SLC14A2: variants seen among roughly 807,000 people sequenced by gnomAD.
SLC14A2 encodes urea transporter 2.
In SLC14A2, 91 loss-of-function variants were observed where a neutral mutation model predicts 104.6. That is an observed-to-expected ratio of 0.87 (90% CI 0.73 to 1.04). The LOEUF (loss-of-function observed/expected upper bound fraction) is 1.04. Among genes scored for constraint, SLC14A2 ranks in the 50% least tolerant of loss-of-function variants. The pLI is 0.00. For missense variants in SLC14A2, 1,189 were observed against 1,156.0 expected, an observed-to-expected ratio of 1.03 and a Z score of -0.41; for synonymous variants, 476 against 466.4, an observed-to-expected ratio of 1.02 and a Z score of -0.27.
intron 1 of SLC14A2, among the ~76,000 whole-genome samples, chr18:45,361,695 T>C (rs1285057301): frequency 1.3e-5 from 2 of 152,200 alleles, no homozygotes; most frequent in East Asian, 3.9e-4. Flanking sequence ...AGCACAGTCC[T>C]GGCAGCCCTC....
intron 1 of SLC14A2, among the ~76,000 whole-genome samples, chr18:45,418,024 C>T (rs1288411078): frequency 6.6e-6 from 1 of 152,120 alleles, no homozygotes; most frequent in Non-Finnish European, 1.5e-5. Context: ...TGCAGCTATT[C>T]AGGGAAATAG....
intron 1 of SLC14A2, among the ~76,000 whole-genome samples, chr18:45,408,922 G>A (rs553117829): frequency 1.3e-5 from 2 of 152,268 alleles, no homozygotes; most frequent in East Asian, 1.9e-4. Context: ...TTAAAAATGA[G>A]AGGTGTACAT....
At chr18:45,671,490 C>G (rs66528052) in intron 16 of SLC14A2, among the ~76,000 whole-genome samples, 22,748 of 152,122 alleles carry the variant, frequency 0.15, 1,838 homozygotes, top group East Asian at 0.29. Context: ...GTCCCCACGG[C>G]TTCCTCTGCT....
intron 1 of SLC14A2, chr18:45,438,378 C>T (rs1298853254): frequency 1.3e-5 from 2 of 152,134 alleles, no homozygotes; most frequent in African/African-American, 4.8e-5. Context: ...TTTTATTCCA[C>T]AGCTAGCAGA....
rs148964498 is a variant in SLC14A2 at position 45,668,426 on chromosome 18, G to A, written c.1985G>A (p.Gly662Asp). 3.3e-4 allele frequency: 537 copies of A among 1,614,170 alleles called. 2 individuals carry two copies. The highest frequency in any genetic ancestry group is 3.3e-3 in the Middle Eastern group (20 of 6,062). Residue 662 changes from glycine to aspartate, a missense_variant, in exon 15 of 20, where the codon GGT becomes GAT. Gly to Asp is a moderately conservative substitution (Grantham distance 94). Coordinates refer to ENST00000255226, the MANE Select transcript of SLC14A2 (RefSeq NM_007163.4). ...CTGATGGCCGTGTTCTCAGACAAAGGTGACTACTACTGGTGGCTGTTGCTA... is the reference window on the plus strand; with the variant it reads ...CTGATGGCCGTGTTCTCAGACAAAGATGACTACTACTGGTGGCTGTTGCTA... ...GLLMAVFSDK[G>D]DYYWWLLLPV...
intron 18 of SLC14A2, among the ~76,000 whole-genome samples, chr18:45,674,497 T>G (rs1300487901): frequency 1.3e-5 from 2 of 152,214 alleles, no homozygotes; most frequent in Non-Finnish European, 2.9e-5. Flanking sequence ...TTTATGACAG[T>G]GACTACGAAC....
At chr18:45,400,476 C>T (rs941426501) in intron 1 of SLC14A2, among the ~76,000 whole-genome samples, 1 of 152,130 alleles carries the variant, frequency 6.6e-6, no homozygotes, top group Non-Finnish European at 1.5e-5. Context: ...TAGTTTGTCC[C>T]ATTCATGTTG....
chr18:45,585,108 G>T (rs2044547931), intron 2 of SLC14A2, among the ~76,000 whole-genome samples: 1 of 151,376 alleles, frequency 6.6e-6, no homozygotes, highest in Non-Finnish European at 1.5e-5. Flanking sequence ...CTCAGCATCA[G>T]ATTCCCACAC....
At chr18:45,591,688 C>T (rs72906318) in intron 2 of SLC14A2, among the ~76,000 whole-genome samples, 12,443 of 152,216 alleles carry the variant, frequency 0.082, 687 homozygotes, top group Non-Finnish European at 0.12. Context: ...TCATAAAGTA[C>T]ACTTTTGAGT....
chr18:45,680,413 A>G (rs2046294973), intron 19 of SLC14A2, among the ~76,000 whole-genome samples: 1 of 152,218 alleles, frequency 6.6e-6, no homozygotes, highest in African/African-American at 2.4e-5. Context: ...TGTGTTTAAG[A>G]CATTGTGTTG....
chr18:45,531,869 C>CT (rs1001104369), intron 2 of SLC14A2, among the ~76,000 whole-genome samples: 2 of 151,948 alleles, frequency 1.3e-5, no homozygotes, highest in African/African-American at 2.4e-5. Context: ...TCTTGAATTA[C>CT]TTTTTGTATA....
chr18:45,303,147 C>T (rs2144195708), intron 1 of SLC14A2, among the ~76,000 whole-genome samples: 1 of 152,270 alleles, frequency 6.6e-6, no homozygotes, highest in Non-Finnish European at 1.5e-5. Context: ...ACAGAGACTC[C>T]AGCACAGCCA....
At chr18:45,411,175 A>C (rs1038938600) in intron 1 of SLC14A2, among the ~76,000 whole-genome samples, 2 of 152,182 alleles carry the variant, frequency 1.3e-5, no homozygotes, top group African/African-American at 2.4e-5. Context: ...AATGATTGCA[A>C]ACATTGAGAA....
chr18:45,412,910 T>G (rs940214759), intron 1 of SLC14A2, among the ~76,000 whole-genome samples: 19 of 152,162 alleles, frequency 1.2e-4, no homozygotes, highest in African/African-American at 4.6e-4. Context: ...CATGCAAGAA[T>G]TTGGGACAAG....
At chr18:45,175,828 A>G in the SLC14A2 span, among the ~76,000 whole-genome samples, 283 of 152,318 alleles carry the variant, frequency 1.9e-3, 1 homozygote, top group Non-Finnish European at 2.4e-3. Flanking sequence ...GGAGTAAAAC[A>G]TAAGGGTCTT....
chr18:45,315,434 C>T (rs1007121961), intron 1 of SLC14A2, among the ~76,000 whole-genome samples: 4 of 152,136 alleles, frequency 2.6e-5, no homozygotes, highest in Non-Finnish European at 5.9e-5. Flanking sequence ...AAGAACACTA[C>T]CATCTGAATA....
At chr18:45,550,464 G>A (rs1053549909) in intron 2 of SLC14A2, among the ~76,000 whole-genome samples, 2 of 152,162 alleles carry the variant, frequency 1.3e-5, no homozygotes, top group Non-Finnish European at 2.9e-5. Flanking sequence ...CTCACAGTCT[G>A]TCTCCTCCAC....
At chr18:45,569,366 C>A (rs751631482) in intron 2 of SLC14A2, among the ~76,000 whole-genome samples, 28 of 152,164 alleles carry the variant, frequency 1.8e-4, no homozygotes, top group African/African-American at 6.0e-4. Flanking sequence ...TGAACTAACC[C>A]CTTTACTCTA....
At chr18:45,540,310 C>A (rs1442854607) in intron 2 of SLC14A2, among the ~76,000 whole-genome samples, 2 of 152,142 alleles carry the variant, frequency 1.3e-5, no homozygotes, top group Non-Finnish European at 2.9e-5. Flanking sequence ...GGAGGACCTT[C>A]GCATTCCTTT....
Sources: gnomAD v4.1 joint callset for allele counts (sites outside exome capture counted in the v4.1 genomes callset) on GRCh38, gnomAD v4.1.1 for gene constraint, MANE v1.5 for transcripts, NCBI Gene and HGNC (gene_info 2026-07-23, HGNC 2026-07-21) for gene names.